Variants in SELE observed in about 807,000 individuals in gnomAD.
SELE encodes the protein E-selectin.
Under a neutral mutation model 75.8 loss-of-function variants are expected in SELE, and 52 were observed. The ratio of observed to expected loss-of-function variants is 0.69; its 90% confidence interval spans 0.55 to 0.86. The LOEUF is 0.86. SELE is among the 40% of genes least tolerant of loss of function. SELE has a pLI of 0.00. For synonymous variants in SELE, 285 were observed against 258.7 expected (o/e 1.10, Z -0.98); for missense variants, 754 against 732.7 (o/e 1.03, Z -0.34).
intron 5 of SELE, 127 bp from the exon 6 acceptor site, chr1:169,729,800 C>A (rs145894067): frequency 1.9e-5 from 14 of 753,690 alleles, no homozygotes; most frequent in Non-Finnish European, 2.2e-5. Context: ...TATGTCAATT[C>A]TTAGGGACAT....
At chr1:169,729,111 GTT>G in intron 7 of SELE, 73 bp downstream of exon 7, 2 of 1,227,812 alleles carry the variant, frequency 1.6e-6, no homozygotes, top group African/African-American at 1.5e-5. Context: ...GTGGGTATTG[GTT>G]TTTTTTTTCA....
chr1:169,727,249 C>A (rs1255398157), intron 10 of SELE, 100 bp downstream of exon 10: 6 of 1,349,438 alleles, frequency 4.4e-6, no homozygotes, highest in Non-Finnish European at 4.0e-6. Context: ...CCTGGGCGAA[C>A]TTTCTGGTTT....
rs1411219839 is a variant in SELE, at chr1:169,727,466, G to T, written c.1528C>A (p.Pro510Thr). Residue 510 changes from proline to threonine, a missense_variant, in exon 10 of 14, where the codon CCC becomes ACC. Coordinates refer to ENST00000333360, the MANE Select transcript of SELE (RefSeq NM_000450.2). ...GKINMSCSGE[P>T]VFGTVCKFAC... The stretch of plus-strand genomic sequence containing the variant: ...AACTTGCACACAGTGCCAAACACGG[G>T]CTCCCCACTGCAGCTCATGTTGATC... 2.5e-6 allele frequency: 4 copies of T among 1,614,078 alleles called. No individual in the cohort carries two copies. Among genetic ancestry groups the T allele is most frequent in the Admixed American group, 1.7e-5 (1 of 60,014 alleles).
Position 169,727,518 on chromosome 1 carries a change from T to A in SELE, c.1476A>T (p.Lys492Asn). 1 of 1,612,784 alleles carries A rather than the reference T, an allele frequency of 6.2e-7. No individual in the cohort carries two copies. Among genetic ancestry groups the A allele is most frequent in the Non-Finnish European group, 8.5e-7 (1 of 1,179,532 alleles). ...TTCCCGGAACTGCCAGGCTTGAACATTTTACCACTGCAAATGTTAGGTACA... is the reference window on the plus strand; with the variant it reads ...TTCCCGGAACTGCCAGGCTTGAACAATTTACCACTGCAAATGTTAGGTACA... ...TEEVPSCQVV[K>N]CSSLAVPGKI... Residue 492 changes from lysine (K) to asparagine (N), a missense_variant, in exon 10 of 14, where the codon AAA becomes AAT. By Grantham distance (94) the Lys-to-Asn change is moderately conservative (BLOSUM62 0). Coordinates refer to ENST00000333360, the MANE Select transcript of SELE (RefSeq NM_000450.2).
At chr1:169,729,959 T>C (rs1402554977) in intron 5 of SELE, among the ~76,000 whole-genome samples, 1 of 152,218 alleles carries the variant, frequency 6.6e-6, no homozygotes, top group East Asian at 1.9e-4. Flanking sequence ...TTAGGAGTTA[T>C]GACTAGTACT....
At chr1:169,729,697 G>T (rs780082019) in intron 5 of SELE, 24 bp from the exon 6 acceptor site, 1 of 1,607,926 alleles carries the variant, frequency 6.2e-7, no homozygotes, top group Admixed American at 1.7e-5. Context: ...AGAGCACCAT[G>T]AATTTTACAG....
At chr1:169,730,358 G>T in intron 5 of SELE, 74 bp downstream of exon 5, 2 of 1,302,506 alleles carry the variant, frequency 1.5e-6, no homozygotes, top group Non-Finnish European at 2.1e-6. Context: ...TTTTGAAAAT[G>T]TAAGTTGAAT....
At chr1:169,732,282 TTATA>T (rs944170712) in intron 3 of SELE, among the ~76,000 whole-genome samples, 2 of 148,710 alleles carry the variant, frequency 1.3e-5, no homozygotes, top group Non-Finnish European at 1.5e-5. Flanking sequence ...CCTACAGTAT[TTATA>T]TATATTTTAT....
rs200491211 is a variant in SELE, at chr1:169,730,485, G to T, written c.662C>A (p.Thr221Asn). The change falls in exon 5 of 14, where the codon ACC (threonine) becomes AAC (asparagine). Residue 221 changes from threonine to asparagine, a missense_variant. Coordinates refer to ENST00000333360, the MANE Select transcript of SELE (RefSeq NM_000450.2). ...TTCTCCAGAGGACATACACTGCATG[G>T]TCTCCATGCTGCTTGGCAGGTAACC... Reference protein sequence around the residue: ...DRGYLPSSMETMQCMSSGEWS... With the variant: ...DRGYLPSSMENMQCMSSGEWS... 3 of 1,614,062 alleles carry T rather than the reference G, an allele frequency of 1.9e-6. No individual in the cohort carries two copies. The highest frequency in any genetic ancestry group is 2.2e-5 in the East Asian group (1 of 44,876).
chr1:169,730,802 T>TAAC (rs1380552424), intron 4 of SELE, among the ~76,000 whole-genome samples, 185 bp from the exon 5 acceptor site: 4 of 151,732 alleles, frequency 2.6e-5, no homozygotes, highest in African/African-American at 4.8e-5. Flanking sequence ...TGCTGATCCA[T>TAAC]AACAACAACA....
rs1349259775 is a variant in SELE at position 169,732,849 on chromosome 1, A to G, written c.187T>C (p.Leu63=). The G allele has an allele frequency of 3.7e-6, 6 of 1,614,042 alleles. No homozygotes were observed. The highest frequency in any genetic ancestry group is 1.3e-5 in the African/African-American group (1 of 74,920). The change falls in exon 3 of 14, where the codon TTG becomes CTG. Residue 63 remains leucine (L), a synonymous_variant. Coordinates refer to ENST00000333360, the MANE Select transcript of SELE (RefSeq NM_000450.2). The part of the protein sequence containing the change: ...KEEIEYLNSI[L]SYSPSYYWIG... ...CAGTAATAACTTGGTGAATAGCTCA[A>G]TATGGAGTTTAGGTACTCAATCTCT...
At chr1:169,725,189 C>A (rs1648711424) in intron 13 of SELE, among the ~76,000 whole-genome samples, 1 of 152,008 alleles carries the variant, frequency 6.6e-6, no homozygotes, top group Non-Finnish European at 1.5e-5. Context: ...ATCAGCCTGG[C>A]CAACATGACG....
Position 169,729,180 on chromosome 1 carries a change from G to C in SELE, c.1090+6C>G. On this transcript the variant is annotated splice_donor_region_variant and intron_variant, in intron 7 of 13. Coordinates refer to ENST00000333360, the MANE Select transcript of SELE (RefSeq NM_000450.2). ...GAAAGTATAAATCGAAGGATCTCAAGCTTACCTTCACAAACTGGGATTTGC... is the reference window on the plus strand; with the variant it reads ...GAAAGTATAAATCGAAGGATCTCAACCTTACCTTCACAAACTGGGATTTGC... 1 of 1,598,768 alleles carries C rather than the reference G, an allele frequency of 6.3e-7. No homozygotes were observed. The highest frequency in any genetic ancestry group is 8.5e-7 in the Non-Finnish European group (1 of 1,170,822).
intron 4 of SELE, among the ~76,000 whole-genome samples, chr1:169,730,961 A>G (rs943164279): frequency 2.0e-5 from 3 of 152,186 alleles, no homozygotes; most frequent in African/African-American, 7.2e-5. Context: ...TACTTTTCTC[A>G]CAACTGCTAA....
Position 169,728,226 on chromosome 1 carries a change from AC to A in SELE, c.1110del (p.Leu370PhefsTer9), listed in dbSNP as rs1262475969. The A allele has an allele frequency of 6.2e-7, 1 of 1,614,020 alleles. No homozygotes were observed. The highest frequency in any genetic ancestry group is 8.5e-7 in the Non-Finnish European group (1 of 1,179,962). On this transcript the variant is annotated frameshift_variant, in exon 8 of 14. Coordinates refer to ENST00000333360, the MANE Select transcript of SELE (RefSeq NM_000450.2). LOFTEE classifies it high-confidence loss of function. ...PVCEAFQCTA[L>X]SNPERGYMNC... Reference sequence around the variant, plus strand: ...TTCATGTAGCCTCGCTCGGGGTTGGACAAGGCTGTGCACTGGAAAGCTGAGA... The same window carrying A: ...TTCATGTAGCCTCGCTCGGGGTTGGAAAGGCTGTGCACTGGAAAGCTGAGA...
chr1:169,729,442 G>A (rs1016523941), intron 6 of SELE, 46 bp downstream of exon 6: 1 of 1,609,044 alleles, frequency 6.2e-7, no homozygotes, highest in African/African-American at 1.3e-5. Flanking sequence ...AGTATGGGTT[G>A]AGAGAAAGAA....
At chr1:169,726,211 T>C (rs1648757959) in intron 11 of SELE, among the ~76,000 whole-genome samples, 1 of 152,206 alleles carries the variant, frequency 6.6e-6, no homozygotes, top group Non-Finnish European at 1.5e-5. Flanking sequence ...AAAGTCTTAA[T>C]TTAAATGTGA....
At chr1:169,733,363 G>C (rs1196239073) in intron 2 of SELE, among the ~76,000 whole-genome samples, 1 of 150,572 alleles carries the variant, frequency 6.6e-6, no homozygotes, top group Non-Finnish European at 1.5e-5. Flanking sequence ...CTGGGAAATA[G>C]GTCATTATGA....
chr1:169,731,920 G>A lies in SELE; in HGVS notation c.444C>T (p.Cys148=). The change falls in exon 4 of 14, where the codon TGC becomes TGT. Residue 148 remains cysteine, a synonymous_variant. Transcript: ENST00000333360. The part of the protein sequence containing the change: ...CYTAACTNTS[C]SGHGECVETI... ...TCTCTACACATTCACCGTGGCCACT[G>A]CAGGATGTATTGGTACAGGCAGCTA... 6.2e-7 allele frequency: 1 copy of A among 1,613,152 alleles called. No homozygotes were observed. Among genetic ancestry groups the A allele is most frequent in the Non-Finnish European group, 8.5e-7 (1 of 1,179,200 alleles).
Sources: gnomAD v4.1 joint callset for allele counts (sites outside exome capture counted in the v4.1 genomes callset) on GRCh38, gnomAD v4.1.1 for gene constraint, MANE v1.5 for transcripts, NCBI Gene and HGNC (gene_info 2026-07-23, HGNC 2026-07-21) for gene names.